The following C3orf70 variants were observed in gnomAD, a reference collection of about 807,000 sequenced individuals.
C3orf70 encodes the protein UPF0524 protein C3orf70.
C3orf70 carries 15 observed loss-of-function variants against 20.7 expected under a neutral mutation model. The observed-to-expected ratio is 0.72, with a 90% CI of 0.48 to 1.11. The LOEUF is 1.11. Among genes scored for constraint, C3orf70 ranks in the 50% most tolerant of loss-of-function variants. The pLI is 0.00. For synonymous variants in C3orf70, 161 were observed against 125.7 expected (o/e 1.28, Z -1.88); for missense variants, 332 against 317.6 (o/e 1.05, Z -0.34).
At chr3:185,132,951 A>G (rs1357810641) in intron 1 of C3orf70, among the ~76,000 whole-genome samples, 6 of 152,248 alleles carry the variant, frequency 3.9e-5, no homozygotes, top group Non-Finnish European at 8.8e-5. Context: ...CTGACAGCTG[A>G]CTTCTTCACA....
At chr3:185,098,509 T>C (rs1338676495) in intron 1 of C3orf70, among the ~76,000 whole-genome samples, 2 of 152,212 alleles carry the variant, frequency 1.3e-5, no homozygotes, top group African/African-American at 2.4e-5. Context: ...AGCCTATTGA[T>C]TAATGCTAAT....
At chr3:185,125,788 A>G (rs191939908) in intron 1 of C3orf70, among the ~76,000 whole-genome samples, 7 of 152,352 alleles carry the variant, frequency 4.6e-5, no homozygotes, top group East Asian at 3.9e-4. Context: ...TATAAAAAGT[A>G]TAATAAAAAG....
rs1213091701 is a variant in C3orf70, at chr3:185,081,471, G to A, written c.*1536C>T. 4.6e-5 allele frequency: 7 copies of A among 152,100 alleles called. No individual in the cohort carries two copies. The highest frequency in any genetic ancestry group is 1.4e-4 in the African/African-American group (6 of 41,414). 9.4% of individuals were successfully genotyped at this position (152,100 alleles called of 1,614,324 possible). ...GTACCATAATGGTGCCAGAGCACAA[G>A]GGAATCTCAGAGCACAATGGCCTGA... On this transcript the variant is annotated 3_prime_UTR_variant, in exon 2 of 2. Coordinates refer to ENST00000335012, the MANE Select transcript of C3orf70 (RefSeq NM_001025266.3).
At chr3:185,150,500 A>G (rs1037370755) in intron 1 of C3orf70, among the ~76,000 whole-genome samples, 1 of 152,182 alleles carries the variant, frequency 6.6e-6, no homozygotes, top group South Asian at 2.1e-4. Flanking sequence ...GTCCAAAAAT[A>G]TAAGTGTGAG....
intron 1 of C3orf70, among the ~76,000 whole-genome samples, chr3:185,092,768 G>A (rs557623678): frequency 3.3e-5 from 5 of 152,224 alleles, no homozygotes; most frequent in Admixed American, 2.0e-4. Context: ...CTAGGTGGGC[G>A]GATCACGAGG....
At chr3:185,124,048 C>T (rs532953663) in intron 1 of C3orf70, among the ~76,000 whole-genome samples, 2 of 152,100 alleles carry the variant, frequency 1.3e-5, no homozygotes, top group East Asian at 1.9e-4. Flanking sequence ...TTTTTCTTGT[C>T]GTTATTCTCT....
chr3:185,097,866 G>C (rs1358299498), intron 1 of C3orf70, among the ~76,000 whole-genome samples: 1 of 152,188 alleles, frequency 6.6e-6, no homozygotes, highest in African/African-American at 2.4e-5. Context: ...GGGTGCTGTG[G>C]AGCTTTATAC....
chr3:185,118,855 T>C (rs894645916), intron 1 of C3orf70, among the ~76,000 whole-genome samples: 11 of 152,172 alleles, frequency 7.2e-5, no homozygotes, highest in African/African-American at 2.7e-4. Context: ...AATAATATGA[T>C]CTCAAGAACC....
chr3:185,117,735 C>T (rs1041509793), intron 1 of C3orf70, among the ~76,000 whole-genome samples: 7 of 152,182 alleles, frequency 4.6e-5, no homozygotes, highest in Non-Finnish European at 1.0e-4. Context: ...GTATACAAGG[C>T]TTTCCATGAT....
At chr3:185,124,619 T>C (rs1213373318) in intron 1 of C3orf70, among the ~76,000 whole-genome samples, 2 of 152,112 alleles carry the variant, frequency 1.3e-5, no homozygotes, top group South Asian at 2.1e-4. Context: ...CTTTGTGACC[T>C]TGGATGAGGC....
At position 185,078,702 on chromosome 3, in the gene C3orf70, A is replaced by C. The variant is rs1715254486; in HGVS notation, c.*4305T>G. 1 of 152,220 alleles carries C rather than the reference A, an allele frequency of 6.6e-6. No homozygotes were observed. The highest frequency in any genetic ancestry group is 1.5e-5 in the Non-Finnish European group (1 of 68,048). The allele number at this position is 152,220 out of a possible 1,614,324, so 9.4% of individuals were successfully genotyped here. A position where few individuals can be genotyped will look rare whatever the true frequency, so the allele number is the denominator to read the frequency against. On this transcript the variant is annotated 3_prime_UTR_variant, in exon 2 of 2. Transcript: ENST00000335012. ...CCTCTGGAGAAGGGGACAGAAGAGA[A>C]AACTGTTAAAACTTTGTTTTCCTCA...
chr3:185,101,460 C>T (rs1461233014), intron 1 of C3orf70, among the ~76,000 whole-genome samples: 3 of 152,144 alleles, frequency 2.0e-5, no homozygotes, highest in Non-Finnish European at 4.4e-5. Flanking sequence ...CGCATTCATC[C>T]ATTCTTGCAC....
chr3:185,097,666 G>A (rs1277857073), intron 1 of C3orf70, among the ~76,000 whole-genome samples: 3 of 152,176 alleles, frequency 2.0e-5, no homozygotes, highest in Non-Finnish European at 4.4e-5. Context: ...GGATAATACA[G>A]CTCTTTTCCC....
intron 1 of C3orf70, among the ~76,000 whole-genome samples, chr3:185,108,370 T>C (rs1169017727): frequency 6.6e-6 from 1 of 152,238 alleles, no homozygotes; most frequent in Non-Finnish European, 1.5e-5. Context: ...TGCCTATTAA[T>C]GTGATTTCTG....
intron 1 of C3orf70, among the ~76,000 whole-genome samples, chr3:185,104,409 T>C (rs1715883382): frequency 6.6e-6 from 1 of 152,212 alleles, no homozygotes; most frequent in Non-Finnish European, 1.5e-5. Context: ...TGTGGAAAAC[T>C]GTGTGGCAAT....
intron 1 of C3orf70, among the ~76,000 whole-genome samples, chr3:185,125,650 T>G (rs771202023): frequency 1.3e-5 from 2 of 152,296 alleles, no homozygotes; most frequent in Admixed American, 1.3e-4. Flanking sequence ...TCCAATGGAA[T>G]GCTAAACTGC....
chr3:185,139,950 A>C (rs1284209127), intron 1 of C3orf70, among the ~76,000 whole-genome samples: 16 of 152,210 alleles, frequency 1.1e-4, no homozygotes, highest in Non-Finnish European at 2.4e-4. Context: ...ACAATCCATA[A>C]AAGGAAAAAC....
At chr3:185,088,216 T>G (rs1715497941) in intron 1 of C3orf70, among the ~76,000 whole-genome samples, 1 of 152,172 alleles carries the variant, frequency 6.6e-6, no homozygotes, top group South Asian at 2.1e-4. Context: ...CGGCTATACT[T>G]TTAAATTAGT....
Position 185,080,978 on chromosome 3 carries a change from A to G in C3orf70, c.*2029T>C, listed in dbSNP as rs1196106275. On this transcript the variant is annotated 3_prime_UTR_variant, in exon 2 of 2. Transcript: ENST00000335012. Reference sequence around the variant, plus strand: ...AAATGTATACTCTGCCTTCTAAACCATATAGATGTCTTGGCCATCTAAACC... The same window carrying G: ...AAATGTATACTCTGCCTTCTAAACCGTATAGATGTCTTGGCCATCTAAACC... The G allele has an allele frequency of 6.6e-6, 1 of 152,188 alleles. No individual in the cohort carries two copies. The highest frequency in any genetic ancestry group is 1.5e-5 in the Non-Finnish European group (1 of 68,024). The allele number at this position is 152,188 out of a possible 1,614,324, so 9.4% of individuals were successfully genotyped here.
Sources: allele counts gnomAD v4.1 joint callset (sites outside exome capture counted in the v4.1 genomes callset), GRCh38; gene constraint gnomAD v4.1.1; transcripts MANE v1.5; gene names NCBI Gene and HGNC (gene_info 2026-07-23, HGNC 2026-07-21).